The following PLCE1 variants were observed in gnomAD, a reference collection of about 807,000 sequenced individuals.
The protein encoded by PLCE1 is 1-phosphatidylinositol 4,5-bisphosphate phosphodiesterase epsilon-1.
A neutral mutation model predicts 242.8 loss-of-function variants in PLCE1; 119 were observed. The observed-to-expected ratio is 0.49, with a 90% confidence interval of 0.42 to 0.57. PLCE1 has a LOEUF of 0.57. PLCE1 is among the 20% of genes least tolerant of loss of function. The pLI is 0.00. For missense variants in PLCE1, 2,441 were observed against 2,788.8 expected (o/e 0.88, Z 2.81); for synonymous variants, 945 against 1,017.4 (o/e 0.93, Z 1.35).
intron 2 of PLCE1, among the ~76,000 whole-genome samples, chr10:94,097,826 G>T (rs2135449286): frequency 6.6e-6 from 1 of 152,340 alleles, no homozygotes; most frequent in African/African-American, 2.4e-5. Flanking sequence ...AGCTGGGGCA[G>T]TCAGAATGGA....
intron 2 of PLCE1, among the ~76,000 whole-genome samples, chr10:94,045,869 G>A (rs970940665): frequency 2.6e-5 from 4 of 152,118 alleles, no homozygotes; most frequent in African/African-American, 9.7e-5. Context: ...GGGAGGCCGA[G>A]GCGGGTGGAT....
intron 27 of PLCE1, among the ~76,000 whole-genome samples, chr10:94,309,397 C>G (rs1358233467): frequency 6.6e-6 from 1 of 152,036 alleles, no homozygotes; most frequent in African/African-American, 2.4e-5. Flanking sequence ...GTGGTGCCAT[C>G]CTGGCTCACT....
intron 7 of PLCE1, among the ~76,000 whole-genome samples, chr10:94,238,274 A>C (rs192636713): frequency 4.6e-5 from 7 of 152,342 alleles, no homozygotes; most frequent in Admixed American, 2.0e-4. Flanking sequence ...AACAAAAAAC[A>C]AACTTCAAGA....
In PLCE1 at chr10:94,262,651, G is replaced by C; in HGVS notation, c.3972G>C (p.Val1324=). ...GCACATCTCTGGGCATTTTTGGGGT[G>C]GGCATACTTCAGCTCAACGATTTCC... ...IESTSLGIFG[V]GILQLNDFLV... is the part of the protein sequence containing the mutation. The change falls in exon 14 of 33, where the codon GTG becomes GTC. Residue 1324 remains valine, a synonymous_variant. Coordinates refer to ENST00000371380, the MANE Select transcript of PLCE1 (RefSeq NM_016341.4). 6.2e-7 allele frequency: 1 copy of C among 1,614,014 alleles called. No homozygotes were observed. The highest frequency in any genetic ancestry group is 1.7e-4 in the Middle Eastern group (1 of 6,060).
Position 94,293,623 on chromosome 10 carries a change from CA to C in PLCE1, c.5155del (p.Thr1719HisfsTer42), listed in dbSNP as rs745849175. ...MSPGETASFN[K>X]TSGKSSCEGI... ...GCCCAGGGGAGACAGCATCATTTAACAAAACATCTGGAAAAAGTAAAGTCAC... is the reference window on the plus strand; with the variant it reads ...GCCCAGGGGAGACAGCATCATTTAACAAACATCTGGAAAAAGTAAAGTCAC... On this transcript the variant is annotated frameshift_variant, in exon 23 of 33. Transcript: ENST00000371380. LOFTEE classifies it high-confidence loss of function. 2 of 1,613,750 alleles carry C rather than the reference CA, an allele frequency of 1.2e-6. No individual in the cohort carries two copies. The highest frequency in any genetic ancestry group is 2.2e-5 in the South Asian group (2 of 91,084).
At chr10:94,190,267 C>T (rs1293675979) in intron 4 of PLCE1, among the ~76,000 whole-genome samples, 1 of 151,968 alleles carries the variant, frequency 6.6e-6, no homozygotes, top group Non-Finnish European at 1.5e-5. Context: ...CTGATAGAGC[C>T]CAACGTTGTC....
intron 1 of PLCE1, among the ~76,000 whole-genome samples, chr10:94,018,101 A>C (rs2061312780): frequency 6.6e-6 from 1 of 152,198 alleles, no homozygotes; most frequent in African/African-American, 2.4e-5. Flanking sequence ...GGTTTGAAAA[A>C]GCATTTAGCA....
intron 1 of PLCE1, among the ~76,000 whole-genome samples, chr10:93,995,716 A>C (rs945554549): frequency 6.6e-6 from 1 of 152,220 alleles, no homozygotes; most frequent in African/African-American, 2.4e-5. Flanking sequence ...AATTCCCTTT[A>C]TACCCAGGAG....
rs3736901 is a variant in PLCE1, at chr10:94,284,977, C to A, written c.5035+12C>A. 0.36 allele frequency: 499,153 copies of A among 1,389,412 alleles called. 95,281 individuals are homozygous for A. The highest frequency in any genetic ancestry group is 0.5 in the Admixed American group (29,548 of 59,604). 86.1% of individuals were successfully genotyped at this position (1,389,412 alleles called of 1,614,324 possible). ...AGTAAAATTTCCAGGTAAGATTAGG[C>A]AATATCATCTATAACTTTTAAAGAT... On this transcript the variant is annotated intron_variant, in intron 22 of 32. Transcript: ENST00000371380.
At chr10:94,281,809 G>A (rs1252800006) in intron 20 of PLCE1, among the ~76,000 whole-genome samples, 2 of 152,008 alleles carry the variant, frequency 1.3e-5, no homozygotes, top group Non-Finnish European at 2.9e-5. Flanking sequence ...AGGCCTTGTA[G>A]TTATGCTGTG....
chr10:94,191,642 GAAAA>G (rs199850622), intron 4 of PLCE1, among the ~76,000 whole-genome samples: 3 of 149,552 alleles, frequency 2.0e-5, no homozygotes, highest in Non-Finnish European at 4.5e-5. Flanking sequence ...CCCTTTCTCA[GAAAA>G]AAAAAGTGGG....
At chr10:94,166,880 G>T (rs1218151258) in intron 3 of PLCE1, among the ~76,000 whole-genome samples, 1 of 152,170 alleles carries the variant, frequency 6.6e-6, no homozygotes, top group African/African-American at 2.4e-5. Flanking sequence ...TCAATTAATG[G>T]CTTCCATTGA....
At chr10:94,313,642 A>G (rs1564888028) in intron 28 of PLCE1, among the ~76,000 whole-genome samples, 1 of 152,184 alleles carries the variant, frequency 6.6e-6, no homozygotes, top group East Asian at 1.9e-4. Flanking sequence ...CTTAAGCTAT[A>G]TAAAATACCA....
At chr10:94,123,389 T>G (rs182475179) in intron 2 of PLCE1, among the ~76,000 whole-genome samples, 1 of 152,336 alleles carries the variant, frequency 6.6e-6, no homozygotes, top group African/African-American at 2.4e-5. Flanking sequence ...TTCGCCTGGT[T>G]TTAGCAAAGT....
chr10:94,026,064 T>G lies in PLCE1; in HGVS notation c.-364-4619T>G, dbSNP rs558925058. 5.9e-5 allele frequency among the ~76,000 whole-genome samples: 9 copies of G among 152,274 alleles called. No individual in the cohort carries two copies. In the South Asian group the frequency reaches 1.9e-3, roughly 32 times the overall value. On this transcript the variant is annotated intron_variant, in intron 1 of 32. Coordinates refer to ENST00000371380, the MANE Select transcript of PLCE1 (RefSeq NM_016341.4). ...TTACAAAAACAGATGGCTTACCAGA[T>G]TTGGGACTCAGTATGTAGTTTTCCA...
At chr10:94,040,644 G>A (rs2061748238) in intron 2 of PLCE1, among the ~76,000 whole-genome samples, 1 of 152,142 alleles carries the variant, frequency 6.6e-6, no homozygotes, top group Admixed American at 6.5e-5. Context: ...TGTGAGTGCT[G>A]GGCAGCTCCC....
At chr10:94,158,257 T>A (rs1268831686) in intron 3 of PLCE1, among the ~76,000 whole-genome samples, 1 of 152,116 alleles carries the variant, frequency 6.6e-6, no homozygotes, top group Admixed American at 6.6e-5. Flanking sequence ...CTCAGGACTA[T>A]GCTGCTGGGT....
At chr10:94,214,869 C>T (rs1403662614) in intron 4 of PLCE1, among the ~76,000 whole-genome samples, 1 of 152,190 alleles carries the variant, frequency 6.6e-6, no homozygotes, top group African/African-American at 2.4e-5. Context: ...ACAACCTTCA[C>T]CTGTCCCCTT....
chr10:94,060,246 G>A (rs781402653), intron 2 of PLCE1, among the ~76,000 whole-genome samples: 2 of 151,412 alleles, frequency 1.3e-5, no homozygotes, highest in African/African-American at 2.4e-5. Context: ...ATTTCATTAT[G>A]TGTTCTAAGA....
Sources: gnomAD v4.1 joint callset for allele counts (sites outside exome capture counted in the v4.1 genomes callset) on GRCh38, gnomAD v4.1.1 for gene constraint, MANE v1.5 for transcripts, NCBI Gene and HGNC (gene_info 2026-07-23, HGNC 2026-07-21) for gene names.